Variants in LIMK2 observed in about 807,000 individuals in gnomAD.
The protein encoded by LIMK2 is LIM domain kinase 2.
Under a neutral mutation model 75.7 loss-of-function variants are expected in LIMK2, and 35 were observed. The ratio of observed to expected loss-of-function variants is 0.46; its 90% CI spans 0.35 to 0.61. The LOEUF (loss-of-function observed/expected upper bound fraction) is 0.61, where lower values mean the gene tolerates loss of function less well. Among genes scored for constraint, LIMK2 ranks in the 20% least tolerant of loss-of-function variants. The pLI is 0.00. For synonymous variants in LIMK2, 301 were observed against 319.2 expected (o/e 0.94, Z 0.61); for missense variants, 623 against 831.0 (o/e 0.75, Z 3.08).
At chr22:31,213,817 C>CTTTTTTTTTTTTTTTTTTTT (rs71689139) in intron 1 of LIMK2, among the ~76,000 whole-genome samples, 6 of 145,334 alleles carry the variant, frequency 4.1e-5, no homozygotes, top group Non-Finnish European at 4.5e-5. Flanking sequence ...TTTCCAGTAA[C>CTTTTTTTTTTTTTTTTTTTT]TTTTTTTTTT....
chr22:31,261,996 G>A, intron 5 of LIMK2, 138 bp from the exon 6 acceptor site: 1 of 685,754 alleles, frequency 1.5e-6, no homozygotes. Context: ...AAAAGGTGTT[G>A]CCTTTCTGTG....
chr22:31,228,035 T>TGTGC (rs1361238905), intron 2 of LIMK2, among the ~76,000 whole-genome samples: 1 of 151,770 alleles, frequency 6.6e-6, no homozygotes, highest in Non-Finnish European at 1.5e-5. Flanking sequence ...TGTGTGTGTG[T>TGTGC]GTGTGTGTGT....
intron 2 of LIMK2, among the ~76,000 whole-genome samples, chr22:31,239,147 A>C (rs1371935315): frequency 6.6e-6 from 1 of 152,262 alleles, no homozygotes; most frequent in Non-Finnish European, 1.5e-5. Context: ...CAAATTTCAC[A>C]TGGGCATATA....
chr22:31,230,556 G>A (rs994385948), intron 2 of LIMK2, among the ~76,000 whole-genome samples: 6 of 152,126 alleles, frequency 3.9e-5, no homozygotes, highest in African/African-American at 7.2e-5. Context: ...AAAATCCACC[G>A]CTCTTAAGGC....
At chr22:31,275,332 C>A (rs1273574169) in intron 15 of LIMK2, 24 bp downstream of exon 15, 1 of 1,613,500 alleles carries the variant, frequency 6.2e-7, no homozygotes, top group Non-Finnish European at 8.5e-7. Flanking sequence ...CTTTTTCTCC[C>A]AGCTCACAGG....
At chr22:31,229,644 C>A (rs1301156731) in intron 2 of LIMK2, among the ~76,000 whole-genome samples, 1 of 152,180 alleles carries the variant, frequency 6.6e-6, no homozygotes, top group African/African-American at 2.4e-5. Context: ...AATGACTTTT[C>A]TTCTCCCCTT....
chr22:31,238,040 A>G (rs1025486614), intron 2 of LIMK2, among the ~76,000 whole-genome samples: 2 of 146,284 alleles, frequency 1.4e-5, no homozygotes, highest in African/African-American at 2.5e-5. Context: ...GCTTGAACCC[A>G]GGAGGTGGAG....
At chr22:31,272,976 C>G (rs958641422) in intron 13 of LIMK2, 7 of 1,222,282 alleles carry the variant, frequency 5.7e-6, no homozygotes, top group Admixed American at 4.0e-5. Flanking sequence ...GCTATTGTCC[C>G]AGCTTTAGCC....
chr22:31,263,798 G>A (rs2048865126), intron 7 of LIMK2, among the ~76,000 whole-genome samples: 1 of 152,204 alleles, frequency 6.6e-6, no homozygotes, highest in Non-Finnish European at 1.5e-5. Context: ...AGGAGTTCAG[G>A]AGCAGCCTGG....
intron 2 of LIMK2, among the ~76,000 whole-genome samples, chr22:31,231,341 C>A (rs377612601): frequency 6.6e-6 from 1 of 152,166 alleles, no homozygotes; most frequent in Non-Finnish European, 1.5e-5. Flanking sequence ...GTGGAGCAAC[C>A]CTGCCATCTG....
At chr22:31,266,427 G>C (rs546693050) in intron 8 of LIMK2, among the ~76,000 whole-genome samples, 1 of 152,178 alleles carries the variant, frequency 6.6e-6, no homozygotes, top group Admixed American at 6.5e-5. Flanking sequence ...CCTCAGTACC[G>C]GGCATGCTAC....
At chr22:31,251,998 G>A (rs753550589) in intron 2 of LIMK2, among the ~76,000 whole-genome samples, 2 of 152,160 alleles carry the variant, frequency 1.3e-5, no homozygotes, top group Non-Finnish European at 2.9e-5. Context: ...ATCCAGCCAG[G>A]CCTTCCTCAG....
intron 1 of LIMK2, among the ~76,000 whole-genome samples, chr22:31,224,596 A>AT (rs1467591435): frequency 6.6e-6 from 1 of 152,240 alleles, no homozygotes; most frequent in African/African-American, 2.4e-5. Flanking sequence ...ATTAAATGAG[A>AT]TTAGGTCTAT....
rs764370739 is a variant in LIMK2 at position 31,262,259 on chromosome 22, T to C, written c.657+20T>C. On this transcript the variant is annotated intron_variant, in intron 6 of 15. Coordinates refer to ENST00000331728, the MANE Select transcript of LIMK2 (RefSeq NM_005569.4). The surrounding 1 kb of genome is among the most constrained non-coding windows in gnomAD (Gnocchi z 5.0). ...GAGGAGGTAGAGTGTGTGTCTAATC[T>C]GTCTTGTGAGGGTGGGACATGGAAC... 1 of 1,564,600 alleles carries C rather than the reference T, an allele frequency of 6.4e-7. No homozygotes were observed. Among genetic ancestry groups the C allele is most frequent in the South Asian group, 1.1e-5 (1 of 90,070 alleles).
chr22:31,214,096 C>T (rs906740777), intron 1 of LIMK2, among the ~76,000 whole-genome samples: 3 of 152,096 alleles, frequency 2.0e-5, no homozygotes, highest in East Asian at 1.9e-4. Flanking sequence ...GGATTACAGG[C>T]GTGAGCCACC....
chr22:31,238,107 A>G (rs1272909481), intron 2 of LIMK2, among the ~76,000 whole-genome samples: 4 of 133,828 alleles, frequency 3.0e-5, no homozygotes, highest in Non-Finnish European at 6.1e-5. Context: ...AGAGGGAGAC[A>G]CTGTCTCAAA....
At chr22:31,257,040 A>ATTGTTTTTT (rs2048789841) in intron 2 of LIMK2, among the ~76,000 whole-genome samples, 1 of 75,054 alleles carries the variant, frequency 1.3e-5, no homozygotes, top group African/African-American at 3.7e-5. Context: ...GGAGCTATAG[A>ATTGTTTTTT]TTTTTTTTTT....
chr22:31,257,625 G>C (rs752871187), intron 2 of LIMK2, among the ~76,000 whole-genome samples: 11 of 152,044 alleles, frequency 7.2e-5, no homozygotes, highest in Admixed American at 1.3e-4. Flanking sequence ...ATCTAAATTT[G>C]AATCCAAGTT....
intron 1 of LIMK2, among the ~76,000 whole-genome samples, chr22:31,214,249 G>A (rs796138498): frequency 1.3e-5 from 2 of 152,266 alleles, no homozygotes; most frequent in African/African-American, 2.4e-5. Context: ...ATTAGTTTAT[G>A]CATTCTTTCT....
Sources: allele counts gnomAD v4.1 joint callset (sites outside exome capture counted in the v4.1 genomes callset), GRCh38; gene constraint gnomAD v4.1.1; non-coding constraint Gnocchi (gnomAD v3.1); transcripts MANE v1.5; gene names NCBI Gene and HGNC (gene_info 2026-07-23, HGNC 2026-07-21).